The following RIT2 variants were observed in gnomAD, a reference collection of about 807,000 sequenced individuals.
RIT2 encodes the protein GTP-binding protein Rit2.
A neutral mutation model predicts 23.7 loss-of-function variants in RIT2; 24 were observed. The ratio of observed to expected loss-of-function variants is 1.01; its 90% confidence interval spans 0.73 to 1.43. The LOEUF is 1.43. Among genes scored for constraint, RIT2 ranks in the 40% most tolerant of loss-of-function variants. The probability of loss-of-function intolerance (pLI) is 0.00; values close to 1 mark genes in which losing one functional copy is unlikely to be tolerated. For missense variants in RIT2, 236 were observed against 266.9 expected, an observed-to-expected ratio of 0.88 and a Z score of 0.81; for synonymous variants, 107 against 91.1, an observed-to-expected ratio of 1.17 and a Z score of -0.99.
At chr18:42,804,426 G>T (rs1905621265) in intron 4 of RIT2, among the ~76,000 whole-genome samples, 1 of 151,754 alleles carries the variant, frequency 6.6e-6, no homozygotes, top group Non-Finnish European at 1.5e-5. Flanking sequence ...ATGTTGGTGA[G>T]CACCTGTAAT....
intron 4 of RIT2, among the ~76,000 whole-genome samples, chr18:42,826,177 A>ATACGC (rs1331242710): frequency 6.6e-6 from 1 of 152,060 alleles, no homozygotes; most frequent in African/African-American, 2.4e-5. Flanking sequence ...ACGCACACAC[A>ATACGC]AAAAATCCTA....
At chr18:42,986,656 C>T (rs760576764) in intron 2 of RIT2, among the ~76,000 whole-genome samples, 16 of 151,436 alleles carry the variant, frequency 1.1e-4, no homozygotes, top group African/African-American at 1.9e-4. Context: ...TGTGTGCAAC[C>T]GTGCCCAGCT....
At chr18:43,091,890 C>G (rs1337608949) in intron 1 of RIT2, among the ~76,000 whole-genome samples, 1 of 151,926 alleles carries the variant, frequency 6.6e-6, no homozygotes, top group African/African-American at 2.4e-5. Flanking sequence ...TTTCCTTGGC[C>G]TTAGCTACAT....
intron 1 of RIT2, among the ~76,000 whole-genome samples, chr18:43,081,076 G>C (rs1913147052): frequency 6.6e-6 from 1 of 152,122 alleles, no homozygotes; most frequent in Admixed American, 6.6e-5. Context: ...GGTGACAAAT[G>C]AAAGTCTCTG....
At chr18:43,038,593 A>C (rs1215485027) in intron 1 of RIT2, among the ~76,000 whole-genome samples, 4 of 151,932 alleles carry the variant, frequency 2.6e-5, no homozygotes, top group Non-Finnish European at 5.9e-5. Context: ...TTTTCTCAGT[A>C]TATATCTTCT....
At chr18:42,811,451 T>C (rs1905847198) in intron 4 of RIT2, among the ~76,000 whole-genome samples, 1 of 152,060 alleles carries the variant, frequency 6.6e-6, no homozygotes. Context: ...GACAGAACCA[T>C]ATGTTAGTGA....
chr18:43,062,228 G>A (rs12966528), intron 1 of RIT2, among the ~76,000 whole-genome samples: 90,510 of 151,854 alleles, frequency 0.6, 28,412 homozygotes, highest in Non-Finnish European at 0.72. Context: ...AAAAAAATAG[G>A]GTATTTTGCT....
chr18:42,830,661 T>C (rs1202825343), intron 4 of RIT2, among the ~76,000 whole-genome samples: 1 of 152,190 alleles, frequency 6.6e-6, no homozygotes, highest in Non-Finnish European at 1.5e-5. Flanking sequence ...GGCTGCCAAA[T>C]GAGACTAGAA....
intron 2 of RIT2, among the ~76,000 whole-genome samples, chr18:43,006,142 A>C (rs1032748905): frequency 2.0e-5 from 3 of 151,782 alleles, no homozygotes; most frequent in African/African-American, 4.8e-5. Context: ...AAAGCTCCCA[A>C]AAATAAGCCT....
At chr18:42,905,551 C>T (rs1908589318) in intron 4 of RIT2, among the ~76,000 whole-genome samples, 1 of 152,206 alleles carries the variant, frequency 6.6e-6, no homozygotes, top group Non-Finnish European at 1.5e-5. Flanking sequence ...TGGCTCACTG[C>T]AACCTCTGCC....
chr18:42,820,184 CA>C (rs1352812067), intron 4 of RIT2, among the ~76,000 whole-genome samples: 2 of 152,072 alleles, frequency 1.3e-5, no homozygotes, highest in African/African-American at 4.8e-5. Context: ...AAGCCAATTC[CA>C]TTTTCTTTTC....
intron 1 of RIT2, among the ~76,000 whole-genome samples, chr18:43,060,034 G>A (rs776325786): frequency 3.9e-5 from 6 of 152,070 alleles, no homozygotes; most frequent in Admixed American, 2.6e-4. Flanking sequence ...TCTTTATTCC[G>A]TTTGTGAACT....
At position 42,947,505 on chromosome 18, in the gene RIT2, G is replaced by A. The variant is rs1909755185; in HGVS notation, c.235-23742C>T. Among the ~76,000 whole-genome samples the A allele has an allele frequency of 1.3e-5, 2 of 151,986 alleles. 1 individual carries two copies. Among genetic ancestry groups the A allele is most frequent in the South Asian group, 4.1e-4 (2 of 4,822 alleles). On this transcript the variant is annotated intron_variant, in intron 3 of 4. Transcript: ENST00000326695. ...TTTATTAACCTTTGTTACTGCCTAC[G>A]CCATTTCATGTCTCTGATTTTGCAG...
At chr18:42,786,026 CT>C (rs1342900420) in intron 4 of RIT2, among the ~76,000 whole-genome samples, 6 of 152,050 alleles carry the variant, frequency 3.9e-5, no homozygotes, top group African/African-American at 1.4e-4. Flanking sequence ...AACTTTGGAA[CT>C]AGATGAGTAG....
At position 42,978,689 on chromosome 18, in the gene RIT2, C is replaced by T. The variant is rs771172742; in HGVS notation, c.161-4542G>A. The stretch of plus-strand genomic sequence containing the variant: ...ACTGCATTCTTGGAGGCATCCACTA[C>T]CTTAAAATTTATCTCAAAGTACTAA... On this transcript the variant is annotated intron_variant, in intron 2 of 4. Transcript: ENST00000326695. Among the ~76,000 whole-genome samples the T allele has an allele frequency of 5.6e-4, 85 of 152,122 alleles. 1 individual carries two copies. Among genetic ancestry groups the T allele is most frequent in the Non-Finnish European group, 1.1e-3 (73 of 68,020 alleles).
chr18:42,832,537 A>T (rs1418252852), intron 4 of RIT2, among the ~76,000 whole-genome samples: 1 of 152,132 alleles, frequency 6.6e-6, no homozygotes, highest in Non-Finnish European at 1.5e-5. Context: ...TCTTTTATTT[A>T]TTTCTATTGA....
chr18:42,953,634 A>G (rs929151560), intron 3 of RIT2, among the ~76,000 whole-genome samples: 5 of 152,200 alleles, frequency 3.3e-5, no homozygotes, highest in African/African-American at 1.2e-4. Flanking sequence ...ACAAAGACAT[A>G]TCTGAGAGGA....
At chr18:42,786,549 T>A (rs1423442487) in intron 4 of RIT2, among the ~76,000 whole-genome samples, 1 of 152,190 alleles carries the variant, frequency 6.6e-6, no homozygotes, top group Non-Finnish European at 1.5e-5. Context: ...CTTAAATGGC[T>A]TTGCCTTTAC....
At chr18:42,824,931 G>T (rs1598669749) in intron 4 of RIT2, among the ~76,000 whole-genome samples, 1 of 151,902 alleles carries the variant, frequency 6.6e-6, no homozygotes, top group East Asian at 1.9e-4. Flanking sequence ...CCATATTCAT[G>T]AAGCTGAATT....
Sources: gnomAD v4.1 joint callset for allele counts (sites outside exome capture counted in the v4.1 genomes callset) on GRCh38, gnomAD v4.1.1 for gene constraint, MANE v1.5 for transcripts, NCBI Gene and HGNC (gene_info 2026-07-23, HGNC 2026-07-21) for gene names.